The following ADAMTSL1 variants were observed in gnomAD, a reference collection of about 807,000 sequenced individuals.
ADAMTSL1 encodes ADAMTS like 1.
In ADAMTSL1, 126 loss-of-function variants were observed where a neutral mutation model predicts 201.8. That is an observed-to-expected ratio of 0.62 (90% confidence interval 0.54 to 0.72). The LOEUF is 0.72. Ranked by LOEUF, ADAMTSL1 falls within the 30% of genes least tolerant of loss-of-function variation. ADAMTSL1 has a pLI of 0.00. For synonymous variants in ADAMTSL1, 1,121 were observed against 903.4 expected (o/e 1.24, Z -4.32); for missense variants, 2,679 against 2,277.8 (o/e 1.18, Z -3.59).
chr9:18,070,264 G>C (rs1248767295), intron 1 of ADAMTSL1, among the ~76,000 whole-genome samples: 1 of 152,212 alleles, frequency 6.6e-6, no homozygotes, highest in South Asian at 2.1e-4. Context: ...GGAGTGGATA[G>C]CCAGTCCTTC....
intron 17 of ADAMTSL1, among the ~76,000 whole-genome samples, chr9:18,771,853 C>T (rs1379506671): frequency 6.6e-6 from 1 of 151,596 alleles, no homozygotes; most frequent in Non-Finnish European, 1.5e-5. Flanking sequence ...AACATAGGTT[C>T]TTAGAATTCT....
At chr9:18,344,122 G>C (rs1241941685) in intron 2 of ADAMTSL1, among the ~76,000 whole-genome samples, 2 of 152,094 alleles carry the variant, frequency 1.3e-5, no homozygotes, top group East Asian at 3.9e-4. Context: ...TTTGTCATGA[G>C]TGTAAAAAAT....
intron 13 of ADAMTSL1, among the ~76,000 whole-genome samples, chr9:18,691,223 C>G (rs767572583): frequency 6.6e-6 from 1 of 152,092 alleles, no homozygotes; most frequent in Non-Finnish European, 1.5e-5. Flanking sequence ...ATTGCATCTA[C>G]CTCTAAGATA....
At chr9:18,357,706 C>A (rs543444523) in intron 2 of ADAMTSL1, among the ~76,000 whole-genome samples, 11 of 152,038 alleles carry the variant, frequency 7.2e-5, no homozygotes, top group Non-Finnish European at 1.6e-4. Flanking sequence ...GCTCAATAGT[C>A]TAAGTATTGC....
intron 1 of ADAMTSL1, among the ~76,000 whole-genome samples, chr9:17,927,431 T>C (rs1456329013): frequency 1.3e-5 from 2 of 152,028 alleles, no homozygotes; most frequent in South Asian, 2.1e-4. Flanking sequence ...CATGTATACA[T>C]ATATGTACAT....
At position 18,389,375 on chromosome 9, in the gene ADAMTSL1, A is replaced by G. The variant is rs117283106; in HGVS notation, c.208-115454A>G. On this transcript the variant is annotated intron_variant, in intron 2 of 29. Coordinates refer to the ADAMTSL1 transcript ENST00000680146. Reference sequence around the variant, plus strand: ...AATGTCATTCCAGTCACCAATCAAAAAATTTGCACTGATAATCAAGTATAT... The same window carrying G: ...AATGTCATTCCAGTCACCAATCAAAGAATTTGCACTGATAATCAAGTATAT... Among the ~76,000 whole-genome samples the G allele has an allele frequency of 4.9e-3, 749 of 152,276 alleles. 9 individuals are homozygous for G. Among genetic ancestry groups the G allele is most frequent in the Non-Finnish European group, 3.7e-3 (255 of 68,022 alleles).
Position 17,971,229 on chromosome 9 carries a change from A to G in ADAMTSL1, c.87+64307A>G, listed in dbSNP as rs141725648. 3.1e-3 allele frequency among the ~76,000 whole-genome samples: 470 copies of G among 152,174 alleles called. 1 individual carries two copies. Among genetic ancestry groups the G allele is most frequent in the Non-Finnish European group, 4.9e-3 (332 of 67,952 alleles). The stretch of plus-strand genomic sequence containing the variant: ...GGAAAATGTAGTCAAGCAAACTGAC[A>G]TGTGTCCTTTGAACATTGAAACCAA... On this transcript the variant is annotated intron_variant, in intron 1 of 29. Transcript: ENST00000680146.
intron 2 of ADAMTSL1, among the ~76,000 whole-genome samples, chr9:18,397,450 A>G (rs1183347560): frequency 6.6e-6 from 1 of 152,200 alleles, no homozygotes; most frequent in Non-Finnish European, 1.5e-5. Context: ...TGAAAAATCT[A>G]ATAATAGACT....
chr9:18,114,182 G>A (rs977235200), intron 1 of ADAMTSL1, among the ~76,000 whole-genome samples: 7 of 152,006 alleles, frequency 4.6e-5, no homozygotes, highest in African/African-American at 1.4e-4. Flanking sequence ...TGGATTTCAC[G>A]TTGAAAAAAA....
chr9:18,091,316 G>A (rs984221819), intron 1 of ADAMTSL1, among the ~76,000 whole-genome samples: 1 of 151,866 alleles, frequency 6.6e-6, no homozygotes, highest in African/African-American at 2.4e-5. Context: ...TTTGGAAAGG[G>A]TCTGGCTGAA....
At chr9:18,481,034 A>C (rs2131806937) in intron 1 of ADAMTSL1, among the ~76,000 whole-genome samples, 1 of 152,332 alleles carries the variant, frequency 6.6e-6, no homozygotes, top group Admixed American at 6.5e-5. Context: ...AAAGATGCTG[A>C]GAAGCTGAAA....
chr9:18,321,839 C>G (rs1834635615), intron 2 of ADAMTSL1, among the ~76,000 whole-genome samples: 1 of 152,072 alleles, frequency 6.6e-6, no homozygotes, highest in Non-Finnish European at 1.5e-5. Flanking sequence ...GTTTTAAGTG[C>G]ATTCTTTTCA....
intron 2 of ADAMTSL1, among the ~76,000 whole-genome samples, chr9:18,173,878 C>T (rs1828017975): frequency 6.6e-6 from 1 of 152,076 alleles, no homozygotes. Context: ...GGTGAAATTT[C>T]GGTTTTACAG....
At chr9:18,282,967 G>C (rs766370844) in intron 2 of ADAMTSL1, among the ~76,000 whole-genome samples, 2 of 152,156 alleles carry the variant, frequency 1.3e-5, no homozygotes, top group Non-Finnish European at 2.9e-5. Context: ...GTTAGTTCTG[G>C]TGGTTTATAT....
rs200051490 is a variant in ADAMTSL1 at position 18,178,331 on chromosome 9, C to T, written c.207+14350C>T. ...GCGCTTTTCCGACGGGCTTAAAAAA[C>T]GGCGCACCAGGAGATTATATCCTGC... On this transcript the variant is annotated intron_variant, in intron 2 of 29. Transcript: ENST00000680146. Among the ~76,000 whole-genome samples, 38 of 151,998 alleles carry T rather than the reference C, an allele frequency of 2.5e-4. No homozygotes were observed. The East Asian group carries it at 3.7e-3, about 15-fold the overall frequency.
intron 1 of ADAMTSL1, among the ~76,000 whole-genome samples, chr9:17,919,684 T>C (rs1306158147): frequency 6.6e-6 from 1 of 152,292 alleles, no homozygotes; most frequent in Non-Finnish European, 1.5e-5. Flanking sequence ...ATTATTCCAT[T>C]GTATGAATAT....
At chr9:18,182,936 C>G (rs982826872) in intron 2 of ADAMTSL1, among the ~76,000 whole-genome samples, 3 of 152,096 alleles carry the variant, frequency 2.0e-5, no homozygotes, top group African/African-American at 7.2e-5. Flanking sequence ...TGAAGCTGAA[C>G]CAGCTTAAAT....
At chr9:18,658,979 A>G (rs1300358933) in intron 8 of ADAMTSL1, among the ~76,000 whole-genome samples, 2 of 152,246 alleles carry the variant, frequency 1.3e-5, no homozygotes, top group African/African-American at 2.4e-5. Context: ...GATAACAATC[A>G]GTGTGTGAAT....
intron 2 of ADAMTSL1, among the ~76,000 whole-genome samples, chr9:18,367,683 T>A (rs1282779550): frequency 1.3e-5 from 2 of 152,126 alleles, no homozygotes; most frequent in Admixed American, 6.5e-5. Context: ...ATACTATTAT[T>A]ATCACCATTT....
Sources: gnomAD v4.1 joint callset for allele counts (sites outside exome capture counted in the v4.1 genomes callset) on GRCh38, gnomAD v4.1.1 for gene constraint, MANE v1.5 for transcripts, NCBI Gene and HGNC (gene_info 2026-07-23, HGNC 2026-07-21) for gene names.